The following SCN11A variants were observed in gnomAD, a reference collection of about 807,000 sequenced individuals.
The protein encoded by SCN11A is sodium voltage-gated channel alpha subunit 11.
A neutral mutation model predicts 162.2 loss-of-function variants in SCN11A; 122 were observed. The observed-to-expected ratio is 0.75, with a 90% CI of 0.65 to 0.87. The LOEUF is 0.87. SCN11A is among the 40% of genes least tolerant of loss of function. SCN11A has a pLI of 0.00. For missense variants in SCN11A, 2,015 were observed against 2,181.6 expected (o/e 0.92, Z 1.52); for synonymous variants, 758 against 751.5 (o/e 1.01, Z -0.14).
At chr3:38,924,547 A>G (rs1406504100) in intron 9 of SCN11A, among the ~76,000 whole-genome samples, 1 of 151,956 alleles carries the variant, frequency 6.6e-6, no homozygotes, top group Non-Finnish European at 1.5e-5. Flanking sequence ...TTACTTTTGT[A>G]TTTTTAGTAG....
chr3:39,001,734 C>A (rs936685601), intron 2 of SCN11A, among the ~76,000 whole-genome samples: 3 of 151,980 alleles, frequency 2.0e-5, no homozygotes. Context: ...AACAAACAAA[C>A]AAACAAAACA....
intron 7 of SCN11A, among the ~76,000 whole-genome samples, chr3:38,944,481 C>G (rs2066485926): frequency 6.6e-6 from 1 of 151,858 alleles, no homozygotes; most frequent in Non-Finnish European, 1.5e-5. Context: ...CACCCGCCAC[C>G]ACGCCTGGCT....
chr3:38,922,673 G>A (rs966903064), intron 9 of SCN11A, among the ~76,000 whole-genome samples: 5 of 151,886 alleles, frequency 3.3e-5, no homozygotes, highest in African/African-American at 1.2e-4. Context: ...AAAAGAAGAA[G>A]GAGAAGGAGG....
At chr3:38,932,695 G>C (rs1172410271) in intron 7 of SCN11A, among the ~76,000 whole-genome samples, 2 of 152,230 alleles carry the variant, frequency 1.3e-5, no homozygotes, top group Admixed American at 6.5e-5. Context: ...GCCCAGGCTT[G>C]CTTAGGTAAA....
chr3:38,858,708 A>C (rs2064913614), intron 28 of SCN11A, among the ~76,000 whole-genome samples: 1 of 152,174 alleles, frequency 6.6e-6, no homozygotes, highest in Non-Finnish European at 1.5e-5. Context: ...TGCAGAATAT[A>C]CATTCTATTC....
chr3:38,951,212 G>T (rs1359084128), intron 4 of SCN11A, among the ~76,000 whole-genome samples: 2 of 152,216 alleles, frequency 1.3e-5, no homozygotes, highest in South Asian at 4.1e-4. Context: ...TGGAGTTCCG[G>T]GTGGGCGTGG....
At chr3:38,887,552 G>A (rs917618072) in intron 19 of SCN11A, among the ~76,000 whole-genome samples, 3 of 151,234 alleles carry the variant, frequency 2.0e-5, no homozygotes, top group Non-Finnish European at 2.9e-5. Flanking sequence ...AAACCTGCAC[G>A]TTGTGCACAT....
intron 2 of SCN11A, among the ~76,000 whole-genome samples, chr3:39,004,267 T>C (rs543942448): frequency 3.1e-4 from 47 of 152,378 alleles, no homozygotes; most frequent in African/African-American, 1.1e-3. Context: ...GCATCATTTA[T>C]TGAATAGGGA....
intron 10 of SCN11A, 73 bp downstream of exon 10, chr3:38,921,003 G>T: frequency 7.3e-7 from 1 of 1,376,074 alleles, no homozygotes; most frequent in East Asian, 2.3e-5. Flanking sequence ...GAAGTGTGAA[G>T]GCAGGACAAG....
intron 26 of SCN11A, 41 bp downstream of exon 26, chr3:38,870,650 T>C: frequency 6.4e-7 from 1 of 1,564,186 alleles, no homozygotes; most frequent in Non-Finnish European, 8.8e-7. Flanking sequence ...TATCTCTGAC[T>C]TGACCATAAC....
intron 2 of SCN11A, among the ~76,000 whole-genome samples, chr3:38,994,579 T>C (rs1367919741): frequency 6.6e-6 from 1 of 152,188 alleles, no homozygotes; most frequent in Non-Finnish European, 1.5e-5. Flanking sequence ...GATAAGCATG[T>C]AGGTTTACAA....
intron 2 of SCN11A, among the ~76,000 whole-genome samples, chr3:38,985,286 C>T (rs552390364): frequency 1.0e-4 from 15 of 150,182 alleles, no homozygotes; most frequent in Admixed American, 3.3e-4. Context: ...CGCCACTACG[C>T]CCGGCTAATT....
At chr3:38,887,271 A>G (rs555908708) in intron 19 of SCN11A, among the ~76,000 whole-genome samples, 2 of 152,120 alleles carry the variant, frequency 1.3e-5, no homozygotes, top group African/African-American at 4.8e-5. Flanking sequence ...CAACTAATTT[A>G]TAACCTGGCA....
intron 7 of SCN11A, among the ~76,000 whole-genome samples, chr3:38,934,882 T>C (rs1010631338): frequency 2.0e-5 from 3 of 151,832 alleles, no homozygotes; most frequent in African/African-American, 7.3e-5. Flanking sequence ...GCGGACCTAA[T>C]AGACATCTAC....
chr3:38,913,039 T>G (rs964422354), intron 11 of SCN11A, among the ~76,000 whole-genome samples: 14 of 152,148 alleles, frequency 9.2e-5, no homozygotes, highest in African/African-American at 2.7e-4. Context: ...TAGTTCTGTT[T>G]TAGGTCTTTG....
chr3:39,010,847 G>A (rs2031111606), intron 2 of SCN11A, among the ~76,000 whole-genome samples: 2 of 152,198 alleles, frequency 1.3e-5, no homozygotes, highest in South Asian at 2.1e-4. Context: ...GAACTGGGGG[G>A]TGGAACATAA....
intron 2 of SCN11A, among the ~76,000 whole-genome samples, chr3:38,991,643 A>G (rs1207528627): frequency 2.0e-5 from 3 of 152,156 alleles, no homozygotes. Flanking sequence ...CTCCATTTTC[A>G]CTGGACAATT....
At position 38,960,364 on chromosome 3, in the gene SCN11A, A is replaced by G. The variant is rs1391496357; in HGVS notation, c.-220T>C. Reference sequence around the variant, plus strand: ...CTCCACAGAGCAAGTCTCTCAGCAGAGTTCGAGCTTCTGCTCCTGGCAGCT... The same window carrying G: ...CTCCACAGAGCAAGTCTCTCAGCAGGGTTCGAGCTTCTGCTCCTGGCAGCT... On this transcript the variant is annotated 5_prime_UTR_variant, in exon 3 of 30. Transcript: ENST00000302328. 1.3e-5 allele frequency among the ~76,000 whole-genome samples: 2 copies of G among 152,158 alleles called. No individual in the cohort carries two copies. The highest frequency in any genetic ancestry group is 4.8e-5 in the African/African-American group (2 of 41,440).
intron 12 of SCN11A, among the ~76,000 whole-genome samples, 192 bp from the exon 13 acceptor site, chr3:38,909,386 T>C (rs1351939526): frequency 6.6e-6 from 1 of 152,088 alleles, no homozygotes; most frequent in Non-Finnish European, 1.5e-5. Flanking sequence ...AGTGGGGAGA[T>C]ACTATCCACA....
Sources: gnomAD v4.1 joint callset for allele counts (sites outside exome capture counted in the v4.1 genomes callset) on GRCh38, gnomAD v4.1.1 for gene constraint, MANE v1.5 for transcripts, NCBI Gene and HGNC (gene_info 2026-07-23, HGNC 2026-07-21) for gene names.